Variants in DIAPH2 observed in about 807,000 individuals in gnomAD.
The protein encoded by DIAPH2 is protein diaphanous homolog 2.
DIAPH2 carries 35 observed loss-of-function variants against 92.7 expected under a neutral mutation model. That is an observed-to-expected ratio of 0.38 (90% confidence interval 0.29 to 0.50). The LOEUF is 0.50. DIAPH2 is among the 20% of genes least tolerant of loss of function. The pLI, the probability that DIAPH2 is intolerant of heterozygous loss-of-function variation, is 0.94. For synonymous variants in DIAPH2, 301 were observed against 280.4 expected, an observed-to-expected ratio of 1.07 and a Z score of -0.73; for missense variants, 701 against 819.5, an observed-to-expected ratio of 0.86 and a Z score of 1.77.
At chrX:97,120,275 G>A (rs1269596356) in intron 21 of DIAPH2, among the ~76,000 whole-genome samples, 1 of 110,375 alleles carries the variant, frequency 9.1e-6, no homozygotes, top group Non-Finnish European at 1.9e-5. Context: ...CTCAGCTCCA[G>A]GTAAGGTTGG....
At chrX:97,253,581 A>G (rs1413382178) in intron 23 of DIAPH2, among the ~76,000 whole-genome samples, 3 of 109,118 alleles carry the variant, frequency 2.7e-5, no homozygotes, top group African/African-American at 1.0e-4. Context: ...CCCCGTCTCT[A>G]CTAAAACTAC....
chrX:96,793,084 G>C (rs1410892090), intron 4 of DIAPH2, among the ~76,000 whole-genome samples: 1 of 112,166 alleles, frequency 8.9e-6, no homozygotes, highest in Non-Finnish European at 1.9e-5. Context: ...CTGTTACATG[G>C]ACACTATCTG....
At chrX:97,051,470 C>A (rs1413388137) in intron 17 of DIAPH2, among the ~76,000 whole-genome samples, 1 of 105,618 alleles carries the variant, frequency 9.5e-6, no homozygotes, top group Non-Finnish European at 1.9e-5. Flanking sequence ...GGGATGACTA[C>A]TTCTTTGATG....
intron 17 of DIAPH2, among the ~76,000 whole-genome samples, chrX:96,965,690 G>A (rs752207400): frequency 4.5e-5 from 5 of 111,348 alleles, no homozygotes; most frequent in South Asian, 7.5e-4. Context: ...GCTATAATTA[G>A]ATATTTTCTA....
chrX:97,052,441 G>A (rs982224638), intron 17 of DIAPH2, among the ~76,000 whole-genome samples: 2 of 110,885 alleles, frequency 1.8e-5, no homozygotes, highest in Admixed American at 1.9e-4. Flanking sequence ...GCAGAAAATG[G>A]TGTTAAAAAG....
intron 3 of DIAPH2, among the ~76,000 whole-genome samples, chrX:96,753,253 A>G (rs1202118692): frequency 8.9e-6 from 1 of 112,077 alleles, no homozygotes; most frequent in Non-Finnish European, 1.9e-5. Context: ...TAGGCAATAG[A>G]GACATAGCCC....
At chrX:97,465,813 C>G (rs910723519) in intron 26 of DIAPH2, among the ~76,000 whole-genome samples, 8 of 111,654 alleles carry the variant, frequency 7.2e-5, no homozygotes, top group African/African-American at 2.3e-4. Flanking sequence ...CTCAGCCTCC[C>G]AAGTAGCTGG....
At chrX:96,968,235 T>A (rs1266453590) in intron 17 of DIAPH2, among the ~76,000 whole-genome samples, 1 of 110,862 alleles carries the variant, frequency 9.0e-6, no homozygotes, top group Non-Finnish European at 1.9e-5. Context: ...TTATTTATTT[T>A]GTGACAGAGT....
intron 23 of DIAPH2, among the ~76,000 whole-genome samples, chrX:97,279,921 G>A (rs1301380399): frequency 1.8e-5 from 2 of 111,473 alleles, no homozygotes; most frequent in Non-Finnish European, 3.8e-5. Context: ...GTGGATTCCC[G>A]AATCTCCCAT....
chrX:96,881,812 G>T (rs2065214830), intron 5 of DIAPH2, 94 bp downstream of exon 5: 1 of 940,713 alleles, frequency 1.1e-6, no homozygotes, highest in Non-Finnish European at 1.5e-6. Context: ...TAAACCTCAA[G>T]ATTTCCTGAC....
At chrX:97,131,313 C>T (rs1156231754) in intron 21 of DIAPH2, among the ~76,000 whole-genome samples, 1 of 111,397 alleles carries the variant, frequency 9.0e-6, no homozygotes, top group Non-Finnish European at 1.9e-5. Context: ...TTAAATACCT[C>T]ACTCTTAAAC....
chrX:97,330,287 A>G (rs1290593639), intron 23 of DIAPH2, among the ~76,000 whole-genome samples: 1 of 109,575 alleles, frequency 9.1e-6, no homozygotes, highest in African/African-American at 3.3e-5. Context: ...GAAAATTTTC[A>G]TCTTGCATAA....
At chrX:97,206,839 C>T (rs780025402) in intron 22 of DIAPH2, among the ~76,000 whole-genome samples, 4 of 111,392 alleles carry the variant, frequency 3.6e-5, no homozygotes, top group Non-Finnish European at 3.8e-5. Flanking sequence ...AACACTCAGG[C>T]GTATATACTT....
intron 5 of DIAPH2, among the ~76,000 whole-genome samples, chrX:96,908,398 C>A (rs1228642392): frequency 9.1e-6 from 1 of 110,464 alleles, no homozygotes; most frequent in African/African-American, 3.3e-5. Flanking sequence ...TGAGAAATGT[C>A]AGTTTCTTAT....
intron 23 of DIAPH2, among the ~76,000 whole-genome samples, chrX:97,340,610 G>A (rs1012903521): frequency 8.2e-5 from 9 of 109,573 alleles, no homozygotes; most frequent in Non-Finnish European, 1.7e-4. Context: ...AAAACTGCCT[G>A]TAAGCCACCA....
intron 22 of DIAPH2, among the ~76,000 whole-genome samples, chrX:97,228,466 G>A (rs1425048170): frequency 9.0e-6 from 1 of 111,248 alleles, no homozygotes; most frequent in Non-Finnish European, 1.9e-5. Flanking sequence ...TAAGACAGGC[G>A]AAAAAAGTGT....
chrX:96,707,370 C>T (rs2063891980), intron 1 of DIAPH2, among the ~76,000 whole-genome samples: 1 of 109,103 alleles, frequency 9.2e-6, no homozygotes. Flanking sequence ...GGGGTTTCAC[C>T]ATGTTGGCCA....
chrX:97,570,969 A>G (rs1041907026), intron 26 of DIAPH2, among the ~76,000 whole-genome samples: 3 of 112,026 alleles, frequency 2.7e-5, no homozygotes, highest in Admixed American at 9.5e-5. Context: ...TGTTGTATCT[A>G]TTAATCCTTG....
chrX:97,152,204 C>G (rs754311222), intron 22 of DIAPH2, among the ~76,000 whole-genome samples: 1 of 111,525 alleles, frequency 9.0e-6, no homozygotes, highest in African/African-American at 3.3e-5. Flanking sequence ...TGAGCAACAC[C>G]CCACATTTTC....
Sources: gnomAD v4.1 joint callset for allele counts (sites outside exome capture counted in the v4.1 genomes callset) on GRCh38, gnomAD v4.1.1 for gene constraint, MANE v1.5 for transcripts, NCBI Gene and HGNC (gene_info 2026-07-23, HGNC 2026-07-21) for gene names.